The following MYO1B variants were observed in gnomAD, a reference collection of about 807,000 sequenced individuals.
MYO1B encodes myosin IB.
A neutral mutation model predicts 159.7 loss-of-function variants in MYO1B; 72 were observed. The observed-to-expected ratio is 0.45, with a 90% CI of 0.37 to 0.55. MYO1B has a LOEUF of 0.55. MYO1B is among the 20% of genes least tolerant of loss of function. The probability of loss-of-function intolerance (pLI) is 0.00; values close to 1 mark genes in which losing one functional copy is unlikely to be tolerated. For synonymous variants in MYO1B, 468 were observed against 473.8 expected (o/e 0.99, Z 0.16); for missense variants, 1,062 against 1,364.8 (o/e 0.78, Z 3.50).
In MYO1B at chr2:191,425,212, G is replaced by T. The variant is rs12623842; in HGVS notation, c.*1252G>T. The T allele has an allele frequency of 6.6e-6, 1 of 151,914 alleles. No homozygotes were observed. Among genetic ancestry groups the T allele is most frequent in the African/African-American group, 2.4e-5 (1 of 41,294 alleles). 9.4% of individuals were successfully genotyped at this position (151,914 alleles called of 1,614,324 possible). On this transcript the variant is annotated 3_prime_UTR_variant, in exon 31 of 31. Transcript: ENST00000392318. ...GTATCTCAAGCTATTTTCATATGTT[G>T]TGTGTCAATGTATCATCTCTCAGAA...
rs978813245 is a variant in MYO1B at position 191,424,735 on chromosome 2, TTA to T, written c.*779_*780del. Reference sequence around the variant, plus strand: ...AAGTGACAGAAGCAGTCCAGTAAGATTATATGTTTCTGTTTCTGGTAAATACC... The same window carrying T: ...AAGTGACAGAAGCAGTCCAGTAAGATTATGTTTCTGTTTCTGGTAAATACC... On this transcript the variant is annotated 3_prime_UTR_variant, in exon 31 of 31. Transcript: ENST00000392318. 1.4e-4 allele frequency: 21 copies of T among 152,540 alleles called. No homozygotes were observed. The highest frequency in any genetic ancestry group is 5.1e-4 in the African/African-American group (21 of 41,580). The allele number at this position is 152,540 out of a possible 1,614,324, so 9.4% of individuals were successfully genotyped here. A position where few individuals can be genotyped will look rare whatever the true frequency, so the allele number is the denominator to read the frequency against.
At chr2:191,333,289 A>G (rs1245699887) in intron 4 of MYO1B, among the ~76,000 whole-genome samples, 1 of 152,094 alleles carries the variant, frequency 6.6e-6, no homozygotes, top group East Asian at 1.9e-4. Context: ...CCTGTCTGAC[A>G]TCTCTACTTG....
intron 3 of MYO1B, among the ~76,000 whole-genome samples, chr2:191,304,546 G>C (rs1243308617): frequency 6.6e-6 from 1 of 151,070 alleles, no homozygotes; most frequent in East Asian, 2.0e-4. Context: ...CTCCAGCCTG[G>C]GCAACAAGAG....
chr2:191,381,706 G>A (rs995360149), intron 14 of MYO1B, 140 bp downstream of exon 14: 1 of 643,944 alleles, frequency 1.6e-6, no homozygotes, highest in Non-Finnish European at 2.7e-6. Flanking sequence ...TCTAGAAGAG[G>A]CAAAGCTATA....
At position 191,307,881 on chromosome 2, in the gene MYO1B, G is replaced by A. The variant is rs1024429571; in HGVS notation, c.251+11655G>A. On this transcript the variant is annotated intron_variant, in intron 3 of 30. Transcript: ENST00000392318. ...CCAGTGGAAGAGCTGCAGAGGGCAC[G>A]GTGGGGGTGTGTATGCAGAGCCTCT... 9.6e-4 allele frequency among the ~76,000 whole-genome samples: 146 copies of A among 152,232 alleles called. 1 individual carries two copies. The highest frequency in any genetic ancestry group is 3.2e-3 in the African/African-American group (134 of 41,534).
intron 2 of MYO1B, among the ~76,000 whole-genome samples, chr2:191,281,619 A>G (rs1302086399): frequency 6.6e-6 from 1 of 152,170 alleles, no homozygotes; most frequent in Admixed American, 6.5e-5. Context: ...ATTGTGATGT[A>G]GGAGATGGCA....
intron 1 of MYO1B, chr2:191,246,127 C>T (rs1685775083): frequency 6.6e-6 from 1 of 152,422 alleles, no homozygotes; most frequent in Non-Finnish European, 1.5e-5. Flanking sequence ...GCCCGGGACG[C>T]TGTGGGCCTC....
intron 1 of MYO1B, among the ~76,000 whole-genome samples, chr2:191,276,562 A>C (rs1203458354): frequency 1.3e-5 from 2 of 152,142 alleles, no homozygotes; most frequent in African/African-American, 4.8e-5. Flanking sequence ...GGGGTGGGTT[A>C]GGTTTTTTTT....
At chr2:191,391,026 A>G (rs946613121) in intron 18 of MYO1B, among the ~76,000 whole-genome samples, 2 of 152,200 alleles carry the variant, frequency 1.3e-5, no homozygotes, top group Non-Finnish European at 1.5e-5. Flanking sequence ...CCTGAATTGC[A>G]TTTACTCATC....
Position 191,309,603 on chromosome 2 carries a change from C to T in MYO1B, c.251+13377C>T, listed in dbSNP as rs1689870369. Among the ~76,000 whole-genome samples the T allele has an allele frequency of 2.0e-5, 3 of 152,182 alleles. No individual in the cohort carries two copies. In the South Asian group the frequency reaches 6.2e-4, roughly 32 times the overall value. ...TGGGCTCTGGCCACCTCCCTGACTG[C>T]ATTTGTTACTTCTCACCCTCTCTTC... On this transcript the variant is annotated intron_variant, in intron 3 of 30. Coordinates refer to ENST00000392318, the MANE Select transcript of MYO1B (RefSeq NM_001130158.3).
chr2:191,334,098 G>A (rs1451601987), intron 4 of MYO1B, among the ~76,000 whole-genome samples: 1 of 149,374 alleles, frequency 6.7e-6, no homozygotes, highest in Non-Finnish European at 1.5e-5. Flanking sequence ...TTTTTAGTCA[G>A]CCTTCTTTGT....
intron 23 of MYO1B, 26 bp downstream of exon 23, chr2:191,400,861 TCC>T: frequency 6.2e-7 from 1 of 1,603,878 alleles, no homozygotes; most frequent in South Asian, 1.1e-5. Flanking sequence ...ATCCCAACAC[TCC>T]ATCCTGGAAT....
At chr2:191,314,577 G>T (rs1487843493) in intron 3 of MYO1B, among the ~76,000 whole-genome samples, 1 of 152,188 alleles carries the variant, frequency 6.6e-6, no homozygotes, top group African/African-American at 2.4e-5. Context: ...GTTCTAACCA[G>T]CTTTGAAACT....
intron 2 of MYO1B, among the ~76,000 whole-genome samples, chr2:191,295,593 C>T (rs973609179): frequency 1.4e-4 from 21 of 152,072 alleles, no homozygotes; most frequent in African/African-American, 4.8e-4. Flanking sequence ...CTGAATTGAA[C>T]GTGATCTGAG....
intron 21 of MYO1B, among the ~76,000 whole-genome samples, chr2:191,397,002 A>G (rs1462903852): frequency 6.6e-6 from 1 of 152,136 alleles, no homozygotes; most frequent in Non-Finnish European, 1.5e-5. Flanking sequence ...GCTTGGTTCA[A>G]GGGTCACTGA....
intron 3 of MYO1B, among the ~76,000 whole-genome samples, chr2:191,311,953 G>A (rs1429981782): frequency 1.3e-5 from 2 of 152,134 alleles, no homozygotes; most frequent in Non-Finnish European, 2.9e-5. Flanking sequence ...CCTCCTTTCC[G>A]TAACTTAACA....
chr2:191,315,707 A>G (rs1433785205), intron 3 of MYO1B, among the ~76,000 whole-genome samples: 2 of 152,232 alleles, frequency 1.3e-5, no homozygotes, highest in Non-Finnish European at 2.9e-5. Context: ...CATCATGACA[A>G]CACCTCCCAA....
chr2:191,319,055 A>G (rs1394593663), intron 3 of MYO1B, among the ~76,000 whole-genome samples: 1 of 152,110 alleles, frequency 6.6e-6, no homozygotes, highest in Non-Finnish European at 1.5e-5. Context: ...AAGGAAGAGG[A>G]GGGCTGCAGG....
At chr2:191,403,341 C>T (rs1028966050) in intron 24 of MYO1B, among the ~76,000 whole-genome samples, 1 of 152,086 alleles carries the variant, frequency 6.6e-6, no homozygotes, top group Admixed American at 6.5e-5. Flanking sequence ...GTGCTTACTA[C>T]AGTAGGGTAC....
Sources: gnomAD v4.1 joint callset for allele counts (sites outside exome capture counted in the v4.1 genomes callset) on GRCh38, gnomAD v4.1.1 for gene constraint, MANE v1.5 for transcripts, NCBI Gene and HGNC (gene_info 2026-07-23, HGNC 2026-07-21) for gene names.